The following ST3GAL3 variants were observed in gnomAD, a reference collection of about 807,000 sequenced individuals.
ST3GAL3 encodes ST3 beta-galactoside alpha-2,3-sialyltransferase 3, also known as CMP-N-acetylneuraminate-beta-1,4-galactoside alpha-2,3-sialyltransferase.
In ST3GAL3, 21 loss-of-function variants were observed where a neutral mutation model predicts 50.1. The observed-to-expected ratio is 0.42, with a 90% confidence interval of 0.30 to 0.60. ST3GAL3 has a LOEUF of 0.60. Ranked by LOEUF, ST3GAL3 falls within the 20% of genes least tolerant of loss-of-function variation. The pLI is 0.19. For synonymous variants in ST3GAL3, 183 were observed against 190.0 expected, an observed-to-expected ratio of 0.96 and a Z score of 0.30; for missense variants, 353 against 489.4, an observed-to-expected ratio of 0.72 and a Z score of 2.63.
rs1368084211 is a variant in ST3GAL3, at chr1:43,843,622, C to T, written c.302+5311C>T. Reference sequence around the variant, plus strand: ...CAGAATAAGTGGGAAAATATTTCTTCATCTTTCTACAAATTTTGTGTACAA... The same window carrying T: ...CAGAATAAGTGGGAAAATATTTCTTTATCTTTCTACAAATTTTGTGTACAA... On this transcript the variant is annotated intron_variant, in intron 5 of 11. Transcript: ENST00000347631. Among the ~76,000 whole-genome samples the T allele has an allele frequency of 2.0e-5, 3 of 152,126 alleles. No homozygotes were observed. In the East Asian group the frequency reaches 5.8e-4, roughly 29 times the overall value.
chr1:43,759,157 A>T (rs181120510), intron 2 of ST3GAL3, among the ~76,000 whole-genome samples: 19 of 151,820 alleles, frequency 1.3e-4, no homozygotes, highest in Non-Finnish European at 2.1e-4. Flanking sequence ...AATAAAAGAA[A>T]AAACTAGGCT....
rs2078013233 is a variant in ST3GAL3 at position 43,899,937 on chromosome 1, C to A, written c.744+210C>A. Among the ~76,000 whole-genome samples the A allele has an allele frequency of 6.6e-6, 1 of 152,186 alleles. No individual in the cohort carries two copies. On this transcript the variant is annotated intron_variant, in intron 9 of 11. Transcript: ENST00000347631. This position sits in a 1 kb window ranked among gnomAD's most constrained non-coding sequence, Gnocchi z 5.4. ...TGGCCAAACTCCAGGAGCCAATATG[C>A]CTGAAACCTGCTACCTGCTTCCAGG...
chr1:43,797,169 C>T (rs2058769891), intron 3 of ST3GAL3, among the ~76,000 whole-genome samples: 1 of 151,858 alleles, frequency 6.6e-6, no homozygotes, highest in African/African-American at 2.4e-5. Context: ...ACTCTGCACT[C>T]CAGCCTAGGT....
At chr1:43,885,073 C>T (rs542037053) in intron 5 of ST3GAL3, among the ~76,000 whole-genome samples, 25 of 152,348 alleles carry the variant, frequency 1.6e-4, no homozygotes, top group African/African-American at 6.0e-4. Context: ...TTATACGCTG[C>T]ACCTTAGCCA....
At position 43,894,423 on chromosome 1, in the gene ST3GAL3, C is replaced by T. The variant is rs948699026; in HGVS notation, c.343C>T (p.Arg115Cys). ...ACCCATGTTCCTGGATGACTCCTTT[C>T]GCAAGTGGGCTAGAATCCGGGAGTT... is the stretch of plus-strand genomic sequence containing the variant. ...PAPMFLDDSF[R>C]KWARIREFVP... The change falls in exon 6 of 12, where the codon CGC becomes TGC. Residue 115 changes from arginine to cysteine, a missense_variant. Physicochemically the swap from Arg to Cys is radical, Grantham distance 180. Coordinates refer to ENST00000347631, the MANE Select transcript of ST3GAL3 (RefSeq NM_006279.5). The T allele has an allele frequency of 1.2e-5, 19 of 1,614,048 alleles. No homozygotes were observed. The highest frequency in any genetic ancestry group is 2.7e-5 in the African/African-American group (2 of 74,914).
chr1:43,829,679 G>A (rs1312632032), intron 4 of ST3GAL3, among the ~76,000 whole-genome samples: 2 of 152,176 alleles, frequency 1.3e-5, no homozygotes, highest in Non-Finnish European at 2.9e-5. Context: ...ATCCTCGGCT[G>A]AGAATGCCCT....
intron 4 of ST3GAL3, among the ~76,000 whole-genome samples, chr1:43,837,750 C>A (rs552795721): frequency 6.6e-6 from 1 of 152,180 alleles, no homozygotes; most frequent in Non-Finnish European, 1.5e-5. Flanking sequence ...GCGAGAGGAT[C>A]GCTTGAACTC....
chr1:43,786,084 G>A (rs1346083762), intron 2 of ST3GAL3, among the ~76,000 whole-genome samples: 1 of 151,850 alleles, frequency 6.6e-6, no homozygotes, highest in Admixed American at 6.6e-5. Context: ...GCCACCATCA[G>A]TTCTCACCCA....
intron 1 of ST3GAL3, among the ~76,000 whole-genome samples, chr1:43,722,989 G>GT (rs1671179625): frequency 6.6e-6 from 1 of 152,102 alleles, no homozygotes; most frequent in African/African-American, 2.4e-5. Context: ...CTAGTGGGAG[G>GT]TCTTTGGGTC....
intron 1 of ST3GAL3, among the ~76,000 whole-genome samples, chr1:43,716,777 A>G (rs1667606211): frequency 1.3e-5 from 2 of 152,160 alleles, no homozygotes; most frequent in Non-Finnish European, 2.9e-5. Flanking sequence ...TTAAACACCA[A>G]GAGAGGTTTA....
chr1:43,917,436 C>CATATATA (rs1182752163), intron 9 of ST3GAL3, among the ~76,000 whole-genome samples: 10 of 97,254 alleles, frequency 1.0e-4, no homozygotes, highest in African/African-American at 4.0e-4. Flanking sequence ...TACTATCTTG[C>CATATATA]ATATATAATA....
chr1:43,892,630 C>T (rs911156975), intron 5 of ST3GAL3, among the ~76,000 whole-genome samples: 1 of 151,754 alleles, frequency 6.6e-6, no homozygotes, highest in Non-Finnish European at 1.5e-5. Context: ...ACTTTCCAAT[C>T]ATCTGAATAA....
chr1:43,870,636 T>C (rs1230578362), intron 5 of ST3GAL3, among the ~76,000 whole-genome samples: 1 of 48,344 alleles, frequency 2.1e-5, no homozygotes, highest in African/African-American at 8.4e-5. Flanking sequence ...GCTGTGTCTC[T>C]GGAGGGTGGG....
At chr1:43,782,392 A>C (rs1699649353) in intron 2 of ST3GAL3, among the ~76,000 whole-genome samples, 2 of 152,188 alleles carry the variant, frequency 1.3e-5, no homozygotes, top group African/African-American at 4.8e-5. Context: ...TCTGTCTTAC[A>C]CACTGCCGCT....
chr1:43,731,557 A>ATTTTTT, intron 1 of ST3GAL3, among the ~76,000 whole-genome samples: 1 of 123,588 alleles, frequency 8.1e-6, no homozygotes, highest in Non-Finnish European at 1.7e-5. Flanking sequence ...GCTAATTTTA[A>ATTTTTT]TTTTTTTTTT....
intron 5 of ST3GAL3, chr1:43,857,994 G>T: frequency 2.3e-6 from 1 of 441,324 alleles, no homozygotes. Context: ...AATTTAAAAA[G>T]CAAAACCAAC....
chr1:43,852,708 A>G (rs1459979389), intron 5 of ST3GAL3, among the ~76,000 whole-genome samples: 1 of 152,254 alleles, frequency 6.6e-6, no homozygotes, highest in African/African-American at 2.4e-5. Flanking sequence ...ATTCCAATAT[A>G]TGATAGATTG....
At chr1:43,904,438 T>C (rs1336765411) in intron 9 of ST3GAL3, among the ~76,000 whole-genome samples, 1 of 151,966 alleles carries the variant, frequency 6.6e-6, no homozygotes, top group Admixed American at 6.6e-5. Context: ...TCGAGGATTC[T>C]CCACCATTTC....
chr1:43,862,002 T>G (rs978839448), intron 5 of ST3GAL3, among the ~76,000 whole-genome samples: 1 of 148,574 alleles, frequency 6.7e-6, no homozygotes, highest in African/African-American at 2.5e-5. Flanking sequence ...TACTCCTGCC[T>G]GGGCAACAAG....
Sources: allele counts gnomAD v4.1 joint callset (sites outside exome capture counted in the v4.1 genomes callset), GRCh38; gene constraint gnomAD v4.1.1; non-coding constraint Gnocchi (gnomAD v3.1); transcripts MANE v1.5; gene names NCBI Gene and HGNC (gene_info 2026-07-23, HGNC 2026-07-21).